Variants in JCAD observed in about 807,000 individuals in gnomAD.
JCAD encodes junctional cadherin 5 associated.
JCAD carries 40 observed loss-of-function variants against 98.0 expected under a neutral mutation model. That is an observed-to-expected ratio of 0.41 (90% CI 0.32 to 0.53). The LOEUF (loss-of-function observed/expected upper bound fraction) is 0.53, where lower values mean the gene tolerates loss of function less well. Ranked by LOEUF, JCAD falls within the 20% of genes least tolerant of loss-of-function variation. The probability of loss-of-function intolerance (pLI) is 0.31; values close to 1 mark genes in which losing one functional copy is unlikely to be tolerated. For synonymous variants in JCAD, 691 were observed against 682.3 expected (o/e 1.01, Z -0.20); for missense variants, 1,705 against 1,738.1 (o/e 0.98, Z 0.34).
Position 30,079,000 on chromosome 10 carries a change from C to T in JCAD, n.129-9179G>A, listed in dbSNP as rs2132680034. 2.0e-5 allele frequency among the ~76,000 whole-genome samples: 3 copies of T among 152,204 alleles called. 1 individual carries two copies. In the Middle Eastern group the frequency reaches 0.01, roughly 518 times the overall value. On this transcript the variant is annotated intron_variant and non_coding_transcript_variant, in intron 1 of 2. Coordinates refer to the JCAD transcript ENST00000465712. Reference sequence around the variant, plus strand: ...TGTCCCATAAATCTGGCTCTAGGCTCGAGTGCTCAGACTTTAGTGAGACTA... The same window carrying T: ...TGTCCCATAAATCTGGCTCTAGGCTTGAGTGCTCAGACTTTAGTGAGACTA...
chr10:30,085,399 A>T (rs1423832684), intron 1 of JCAD, among the ~76,000 whole-genome samples: 6 of 152,188 alleles, frequency 3.9e-5, no homozygotes, highest in Non-Finnish European at 1.5e-5. Context: ...TAAATAAAAG[A>T]CATGGTTTCT....
intron 1 of JCAD, among the ~76,000 whole-genome samples, chr10:30,080,152 T>G (rs933903180): frequency 6.6e-5 from 10 of 152,162 alleles, no homozygotes; most frequent in African/African-American, 1.9e-4. Context: ...AAAAAAAAAT[T>G]AAAAGTTCCT....
At chr10:30,104,085 G>A (rs1838520154) in intron 1 of JCAD, among the ~76,000 whole-genome samples, 2 of 152,204 alleles carry the variant, frequency 1.3e-5, no homozygotes, top group Non-Finnish European at 2.9e-5. Context: ...TTCCTAGAAA[G>A]AGGAAACTGA....
chr10:30,047,430 C>T, intron 2 of JCAD, 102 bp downstream of exon 2: 1 of 1,397,846 alleles, frequency 7.2e-7, no homozygotes, highest in Non-Finnish European at 9.7e-7. Flanking sequence ...TTTCTCCCTC[C>T]TTGGCCCTGG....
intron 1 of JCAD, among the ~76,000 whole-genome samples, chr10:30,053,647 C>T (rs1490878183): frequency 1.3e-5 from 2 of 151,890 alleles, no homozygotes; most frequent in Non-Finnish European, 1.5e-5. Flanking sequence ...AATAATCTCA[C>T]TTCTTAGGAT....
At chr10:30,086,070 A>G (rs770979610) in intron 1 of JCAD, among the ~76,000 whole-genome samples, 10 of 152,170 alleles carry the variant, frequency 6.6e-5, no homozygotes, top group African/African-American at 1.2e-4. Flanking sequence ...TCAGCATTAA[A>G]CTATCACCAA....
At position 30,029,570 on chromosome 10, in the gene JCAD, C is replaced by T. The variant is rs1431557115; in HGVS notation, c.578G>A (p.Arg193Lys). 2.5e-6 allele frequency: 4 copies of T among 1,614,130 alleles called. No homozygotes were observed. In the East Asian group the frequency reaches 8.9e-5, roughly 36 times the overall value. Residue 193 changes from arginine (R) to lysine (K), a missense_variant, in exon 3 of 4, where the codon AGG becomes AAG. Physicochemically the swap from Arg to Lys is conservative, Grantham distance 26. Transcript: ENST00000375377. The stretch of plus-strand genomic sequence containing the variant: ...ATCAGACATCTGCCTCCCTAATTTC[C>T]TTGGCTGGTTCCAGCTTTCCAGGCT... Reference protein sequence around the residue: ...NVSLESWNQPRKLGRQMSDGD... With the variant: ...NVSLESWNQPKKLGRQMSDGD...
intron 1 of JCAD, among the ~76,000 whole-genome samples, chr10:30,108,306 C>A (rs113475753): frequency 0.024 from 3,436 of 141,078 alleles, 111 homozygotes; most frequent in African/African-American, 0.077. Context: ...GAGCGAAACT[C>A]CATATTAAAA....
chr10:30,064,678 T>TA, intron 2 of JCAD, among the ~76,000 whole-genome samples: 1 of 152,066 alleles, frequency 6.6e-6, no homozygotes, highest in African/African-American at 2.4e-5. Context: ...CTCTCTTTTT[T>TA]TTTTTTCTTT....
intron 3 of JCAD, among the ~76,000 whole-genome samples, chr10:30,021,451 G>A (rs549066037): frequency 5.9e-5 from 9 of 152,180 alleles, no homozygotes; most frequent in African/African-American, 1.9e-4. Context: ...CTCTGCCTCC[G>A]AAAGTACTGG....
At chr10:30,019,071 T>C (rs1243489909) in intron 3 of JCAD, among the ~76,000 whole-genome samples, 3 of 152,104 alleles carry the variant, frequency 2.0e-5, no homozygotes, top group Non-Finnish European at 4.4e-5. Context: ...AAAGAAATTA[T>C]ATAGCCGGGC....
rs1589680625 is a variant in JCAD, at chr10:30,027,997, T to C, written c.2151A>G (p.Ala717=). Residue 717 remains alanine (A), a synonymous_variant, in exon 3 of 4, where the codon GCA becomes GCG. Coordinates refer to ENST00000375377, the MANE Select transcript of JCAD (RefSeq NM_020848.4). ...GAKLGGPSRA[A]LSPKCSDPAA... Reference sequence around the variant, plus strand: ...CAGGGTCTGAACATTTTGGACTCAATGCTGCACGACTCGGCCCTCCCAGCT... The same window carrying C: ...CAGGGTCTGAACATTTTGGACTCAACGCTGCACGACTCGGCCCTCCCAGCT... 1 of 1,614,126 alleles carries C rather than the reference T, an allele frequency of 6.2e-7. No homozygotes were observed. The highest frequency in any genetic ancestry group is 1.7e-5 in the Admixed American group (1 of 60,006).
intron 1 of JCAD, among the ~76,000 whole-genome samples, chr10:30,049,367 A>G (rs1399257297): frequency 3.3e-5 from 5 of 152,180 alleles, no homozygotes; most frequent in Non-Finnish European, 7.3e-5. Context: ...TGAAAGGAAG[A>G]TGCCTGCGGC....
rs1838197170 is a variant in JCAD, at chr10:30,088,233, G to A, written n.129-18412C>T. On this transcript the variant is annotated intron_variant and non_coding_transcript_variant, in intron 1 of 2. Coordinates refer to the JCAD transcript ENST00000465712. ...TGAGTGTGAAAATTAGAAATAGGAA[G>A]TCAGTCTGACTGTTGATCCAGCTTC... Among the ~76,000 whole-genome samples, 3 of 152,206 alleles carry A rather than the reference G, an allele frequency of 2.0e-5. No individual in the cohort carries two copies. The South Asian group carries it at 6.2e-4, about 31-fold the overall frequency.
chr10:30,065,784 AG>A (rs1837774843), intron 2 of JCAD, among the ~76,000 whole-genome samples: 1 of 152,162 alleles, frequency 6.6e-6, no homozygotes, highest in African/African-American at 2.4e-5. Context: ...TAGAGGCATG[AG>A]CCACCATGCC....
intron 3 of JCAD, among the ~76,000 whole-genome samples, chr10:30,020,904 C>T (rs2132603173): frequency 1.3e-5 from 2 of 152,258 alleles, no homozygotes; most frequent in Non-Finnish European, 2.9e-5. Context: ...TTAGTTTCTT[C>T]CAGGCTAAGC....
chr10:30,089,631 G>C (rs976824586), intron 1 of JCAD, among the ~76,000 whole-genome samples: 1 of 151,638 alleles, frequency 6.6e-6, no homozygotes, highest in East Asian at 1.9e-4. Context: ...AAAATATCTA[G>C]AGTTCATTAG....
rs1420624639 is a variant in JCAD, at chr10:30,014,991, G to A, written c.*2892C>T. 6.6e-6 allele frequency: 1 copy of A among 152,176 alleles called. No individual in the cohort carries two copies. Among genetic ancestry groups the A allele is most frequent in the Non-Finnish European group, 1.5e-5 (1 of 68,018 alleles). The allele number at this position is 152,176 out of a possible 1,614,324, so 9.4% of individuals were successfully genotyped here. ...GGGCTGGGTGCACTGTCAGTGAGGA[G>A]TTTTTCTGTACTTTGCAGAAACATG... On this transcript the variant is annotated 3_prime_UTR_variant, in exon 4 of 4. Transcript: ENST00000375377.
At chr10:30,054,604 A>G (rs1837530283) in intron 1 of JCAD, among the ~76,000 whole-genome samples, 1 of 152,072 alleles carries the variant, frequency 6.6e-6, no homozygotes, top group Admixed American at 6.5e-5. Context: ...TAAGTTATAT[A>G]TAACTATTTC....
Sources: gnomAD v4.1 joint callset for allele counts (sites outside exome capture counted in the v4.1 genomes callset) on GRCh38, gnomAD v4.1.1 for gene constraint, MANE v1.5 for transcripts, NCBI Gene and HGNC (gene_info 2026-07-23, HGNC 2026-07-21) for gene names.